The following RFX4 variants were observed in gnomAD, a reference collection of about 807,000 sequenced individuals.
The protein encoded by RFX4 is regulatory factor X4.
Under a neutral mutation model 95.0 loss-of-function variants are expected in RFX4, and 10 were observed. The ratio of observed to expected loss-of-function variants is 0.11; its 90% confidence interval spans 0.06 to 0.18. The LOEUF is 0.18. RFX4 is among the 10% of genes least tolerant of loss of function. The probability of loss-of-function intolerance (pLI) is 1.00; values close to 1 mark genes in which losing one functional copy is unlikely to be tolerated. For missense variants in RFX4, 640 were observed against 922.0 expected (o/e 0.69, Z 3.96); for synonymous variants, 321 against 340.7 (o/e 0.94, Z 0.64).
At chr12:106,724,360 G>A (rs1365917329) in intron 13 of RFX4, among the ~76,000 whole-genome samples, 4 of 152,184 alleles carry the variant, frequency 2.6e-5, no homozygotes, top group Non-Finnish European at 4.4e-5. Context: ...AATCAAACCT[G>A]CCTGACCGCA....
chr12:106,622,536 G>C lies in RFX4; in HGVS notation c.130+13653G>C, dbSNP rs186176964. 3.3e-5 allele frequency among the ~76,000 whole-genome samples: 5 copies of C among 151,862 alleles called. No homozygotes were observed. The East Asian group carries it at 9.7e-4, about 29-fold the overall frequency. On this transcript the variant is annotated intron_variant, in intron 2 of 17. Transcript: ENST00000392842. ...GTCCAAAGAGGTGGCTTATGATTAT[G>C]AGCTTTTGCTTACATATGTAGAAAT...
chr12:106,690,035 A>G (rs1245852880), intron 7 of RFX4, among the ~76,000 whole-genome samples: 1 of 152,150 alleles, frequency 6.6e-6, no homozygotes, highest in Non-Finnish European at 1.5e-5. Context: ...CCCAGTAGCT[A>G]TTGATGGAAG....
At chr12:106,583,643 G>A (rs2039408508) in intron 1 of RFX4, 2 of 321,860 alleles carry the variant, frequency 6.2e-6, no homozygotes, top group Non-Finnish European at 1.1e-5. Flanking sequence ...ACAAAGTTAC[G>A]TAAAGATGCG....
chr12:106,702,117 C>A (rs974826033), intron 8 of RFX4, among the ~76,000 whole-genome samples: 2 of 152,094 alleles, frequency 1.3e-5, no homozygotes, highest in Non-Finnish European at 2.9e-5. Context: ...TCCATTAGAG[C>A]TTTTAACATA....
Position 106,644,621 on chromosome 12 carries a change from C to T in RFX4, c.191+5229C>T, listed in dbSNP as rs528455244. On this transcript the variant is annotated intron_variant, in intron 3 of 17. Transcript: ENST00000392842. ...GCCTCACGGAACATCTTCGTGTGTG[C>T]CCCCTTGGACACCGTGGGAGTGTTT... Among the ~76,000 whole-genome samples the T allele has an allele frequency of 7.9e-5, 12 of 152,288 alleles. No homozygotes were observed. The South Asian group carries it at 2.1e-3, about 26-fold the overall frequency.
chr12:106,646,920 G>A (rs2040759301), intron 3 of RFX4, among the ~76,000 whole-genome samples: 1 of 152,172 alleles, frequency 6.6e-6, no homozygotes, highest in African/African-American at 2.4e-5. Flanking sequence ...TTTCTGATTG[G>A]CTCGTCTACT....
rs149512651 is a variant in RFX4 at position 106,737,812 on chromosome 12, T to A, written c.1633+4727T>A. The stretch of plus-strand genomic sequence containing the variant: ...CTTTGGGTACACAGCTAGAGAGCCC[T>A]CTTCTGTGGAAATTTAGATTTGAGA... On this transcript the variant is annotated intron_variant, in intron 15 of 17. Coordinates refer to ENST00000392842, the MANE Select transcript of RFX4 (RefSeq NM_213594.3). Among the ~76,000 whole-genome samples the A allele has an allele frequency of 5.2e-3, 797 of 152,310 alleles. 6 individuals are homozygous for A. The highest frequency in any genetic ancestry group is 0.017 in the African/African-American group (700 of 41,560).
At chr12:106,624,642 T>A (rs183456335) in intron 2 of RFX4, among the ~76,000 whole-genome samples, 36 of 152,228 alleles carry the variant, frequency 2.4e-4, no homozygotes, top group African/African-American at 8.4e-4. Flanking sequence ...TTTTGTTTCA[T>A]TTTTAAAGAG....
chr12:106,656,788 C>A (rs1375827491), intron 4 of RFX4, among the ~76,000 whole-genome samples: 3 of 152,110 alleles, frequency 2.0e-5, no homozygotes, highest in Non-Finnish European at 2.9e-5. Context: ...CATAGAGGTA[C>A]CTCACTCACC....
Position 106,761,611 on chromosome 12 carries a change from A to C in RFX4, c.*142A>C. ...CTAAGTGCCCATTTTCCTAATGAAC[A>C]TGAGGATGGGATCAATGTGGGATGA... On this transcript the variant is annotated 3_prime_UTR_variant, in exon 18 of 18. Transcript: ENST00000392842. The C allele has an allele frequency of 2.1e-6, 1 of 486,350 alleles. No individual in the cohort carries two copies. The highest frequency in any genetic ancestry group is 3.0e-6 in the Non-Finnish European group (1 of 336,050). The allele number at this position is 486,350 out of a possible 1,614,324, so 30.1% of individuals were successfully genotyped here. A position where few individuals can be genotyped will look rare whatever the true frequency, so the allele number is the denominator to read the frequency against.
intron 3 of RFX4, among the ~76,000 whole-genome samples, chr12:106,644,779 C>A (rs2040708956): frequency 6.6e-6 from 1 of 152,124 alleles, no homozygotes; most frequent in Non-Finnish European, 1.5e-5. Flanking sequence ...CAAAACAAAA[C>A]AGGAACCTAA....
chr12:106,685,615 C>A (rs2041629506), intron 5 of RFX4, among the ~76,000 whole-genome samples: 1 of 152,094 alleles, frequency 6.6e-6, no homozygotes, highest in Admixed American at 6.6e-5. Flanking sequence ...AGAGAGGGCC[C>A]AGGAGTCTGT....
intron 1 of RFX4, among the ~76,000 whole-genome samples, chr12:106,584,303 T>C (rs1319385652): frequency 2.0e-5 from 3 of 152,140 alleles, no homozygotes; most frequent in Admixed American, 2.0e-4. Flanking sequence ...CAGGTGGAAG[T>C]TCTCTTACAG....
intron 13 of RFX4, among the ~76,000 whole-genome samples, chr12:106,727,710 C>T (rs972750999): frequency 1.3e-5 from 2 of 152,064 alleles, no homozygotes; most frequent in African/African-American, 4.8e-5. Flanking sequence ...ACCTCCGCCT[C>T]CTGGGTTCAA....
At chr12:106,757,936 C>T (rs894835652) in intron 17 of RFX4, among the ~76,000 whole-genome samples, 2 of 152,236 alleles carry the variant, frequency 1.3e-5, no homozygotes, top group African/African-American at 2.4e-5. Context: ...ACTGTGTGTG[C>T]AGGCACACAC....
intron 3 of RFX4, among the ~76,000 whole-genome samples, chr12:106,647,375 T>C (rs1199029049): frequency 6.6e-6 from 1 of 152,216 alleles, no homozygotes; most frequent in East Asian, 1.9e-4. Flanking sequence ...CTCTATGTCC[T>C]AGGGCATAGT....
intron 3 of RFX4, among the ~76,000 whole-genome samples, chr12:106,648,641 T>C (rs2040799692): frequency 6.6e-6 from 1 of 150,852 alleles, no homozygotes; most frequent in Non-Finnish European, 1.5e-5. Context: ...TTTTTTTTTT[T>C]TTTGGTAAAA....
intron 2 of RFX4, among the ~76,000 whole-genome samples, chr12:106,609,237 T>C (rs1376332893): frequency 5.9e-5 from 9 of 152,202 alleles, no homozygotes; most frequent in Admixed American, 5.9e-4. Context: ...TAAATATGGG[T>C]TCAAAGTAGT....
chr12:106,654,651 A>C (rs1244523825), intron 4 of RFX4, among the ~76,000 whole-genome samples: 3 of 152,236 alleles, frequency 2.0e-5, no homozygotes, highest in African/African-American at 7.2e-5. Context: ...CATGGATGTC[A>C]ATCAGCCTGG....
Sources: allele counts gnomAD v4.1 joint callset (sites outside exome capture counted in the v4.1 genomes callset), GRCh38; gene constraint gnomAD v4.1.1; transcripts MANE v1.5; gene names NCBI Gene and HGNC (gene_info 2026-07-23, HGNC 2026-07-21).